WWC2: variants seen among roughly 807,000 people sequenced by gnomAD.
The protein encoded by WWC2 is protein WWC2.
A neutral mutation model predicts 138.5 loss-of-function variants in WWC2; 101 were observed. The ratio of observed to expected loss-of-function variants is 0.73; its 90% CI spans 0.62 to 0.86. WWC2 has a LOEUF of 0.86. Ranked by LOEUF, WWC2 falls within the 40% of genes least tolerant of loss-of-function variation. The probability of loss-of-function intolerance (pLI) is 0.00; values close to 1 mark genes in which losing one functional copy is unlikely to be tolerated. For synonymous variants in WWC2, 558 were observed against 538.4 expected (o/e 1.04, Z -0.50); for missense variants, 1,420 against 1,419.4 (o/e 1.00, Z -0.01).
At chr4:183,105,978 G>A (rs1743343297) in intron 1 of WWC2, among the ~76,000 whole-genome samples, 1 of 151,946 alleles carries the variant, frequency 6.6e-6, no homozygotes, top group Non-Finnish European at 1.5e-5. Context: ...TGTAGAAGAG[G>A]AAAGGGATTT....
chr4:183,280,727 A>AT (rs1683532528), intron 16 of WWC2, 49 bp from the exon 17 acceptor site: 2 of 1,546,826 alleles, frequency 1.3e-6, no homozygotes, highest in South Asian at 1.2e-5. Flanking sequence ...TTTTTAAGTC[A>AT]TTTTTTCAAG....
chr4:183,313,511 A>G (rs1282120504), intron 22 of WWC2, among the ~76,000 whole-genome samples: 2 of 152,062 alleles, frequency 1.3e-5, no homozygotes, highest in South Asian at 2.1e-4. Context: ...GACCTCTGCC[A>G]TGGCACACCA....
chr4:183,224,687 A>G (rs1437925047), intron 4 of WWC2, among the ~76,000 whole-genome samples: 4 of 152,124 alleles, frequency 2.6e-5, no homozygotes, highest in Non-Finnish European at 5.9e-5. Context: ...TAGCCTCCCG[A>G]GTAGCTGAGA....
chr4:183,265,170 T>C lies in WWC2; in HGVS notation c.2039+63T>C, dbSNP rs1012570861. ...TCTCCATCGCCGTGGATGTGGGTTATATGCTGTAAATGGACTGCTACCATT... is the reference window on the plus strand; with the variant it reads ...TCTCCATCGCCGTGGATGTGGGTTACATGCTGTAAATGGACTGCTACCATT... On this transcript the variant is annotated intron_variant, in intron 12 of 22. Coordinates refer to ENST00000403733, the MANE Select transcript of WWC2 (RefSeq NM_024949.6). 7 of 1,546,820 alleles carry C rather than the reference T, an allele frequency of 4.5e-6. No homozygotes were observed. The African/African-American group carries it at 5.5e-5, about 12-fold the overall frequency.
Position 183,195,139 on chromosome 4 carries a change from T to A in WWC2, c.241+1431T>A, listed in dbSNP as rs371241071. On this transcript the variant is annotated intron_variant, in intron 2 of 22. Transcript: ENST00000403733. ...ATCTGTAAGGGTGAAATGAACTAAT[T>A]TTGATAAAATTCAGTTCACTTTAAG... Among the ~76,000 whole-genome samples, 208 of 152,308 alleles carry A rather than the reference T, an allele frequency of 1.4e-3. 1 individual carries two copies. The highest frequency in any genetic ancestry group is 4.9e-3 in the African/African-American group (202 of 41,572).
chr4:183,220,778 G>A (rs1018747705), intron 4 of WWC2, among the ~76,000 whole-genome samples: 1 of 151,352 alleles, frequency 6.6e-6, no homozygotes, highest in Non-Finnish European at 1.5e-5. Context: ...AGCTTGCAGT[G>A]AGCCAACATC....
intron 1 of WWC2, among the ~76,000 whole-genome samples, chr4:183,149,209 G>T (rs1396165979): frequency 6.6e-6 from 1 of 152,088 alleles, no homozygotes; most frequent in Non-Finnish European, 1.5e-5. Flanking sequence ...GCCTTTTACA[G>T]TCCCCTTCTC....
At chr4:183,226,966 G>A (rs2111277807) in intron 4 of WWC2, among the ~76,000 whole-genome samples, 1 of 152,138 alleles carries the variant, frequency 6.6e-6, no homozygotes, top group Non-Finnish European at 1.5e-5. Flanking sequence ...TGATAAGCTA[G>A]GTGCATATTC....
At chr4:183,116,725 G>T (rs1443661797) in intron 1 of WWC2, among the ~76,000 whole-genome samples, 1 of 152,162 alleles carries the variant, frequency 6.6e-6, no homozygotes, top group Non-Finnish European at 1.5e-5. Flanking sequence ...TTTAGCATCT[G>T]TATTAAAACT....
intron 1 of WWC2, among the ~76,000 whole-genome samples, chr4:183,180,543 T>C (rs990235118): frequency 4.6e-5 from 7 of 152,126 alleles, no homozygotes; most frequent in Non-Finnish European, 4.4e-5. Context: ...CAAACATTTA[T>C]AGCAACATCA....
intron 21 of WWC2, among the ~76,000 whole-genome samples, chr4:183,304,430 G>A (rs181911895): frequency 2.0e-5 from 3 of 152,274 alleles, no homozygotes; most frequent in Non-Finnish European, 1.5e-5. Flanking sequence ...GGGTCCTCAC[G>A]ATGGATGTCG....
At chr4:183,112,121 A>G (rs141952258) in intron 1 of WWC2, among the ~76,000 whole-genome samples, 1 of 152,356 alleles carries the variant, frequency 6.6e-6, no homozygotes, top group Non-Finnish European at 1.5e-5. Context: ...AATGTTTAAC[A>G]TAACATCAGT....
intron 9 of WWC2, among the ~76,000 whole-genome samples, chr4:183,254,892 C>CT (rs1737090056): frequency 6.6e-6 from 1 of 152,204 alleles, no homozygotes; most frequent in Non-Finnish European, 1.5e-5. Flanking sequence ...ATTGTGGCGT[C>CT]TTGCCTTCTA....
At chr4:183,100,355 T>C (rs1237890868) in intron 1 of WWC2, among the ~76,000 whole-genome samples, 4 of 152,256 alleles carry the variant, frequency 2.6e-5, no homozygotes, top group Non-Finnish European at 4.4e-5. Flanking sequence ...CTGGTTTCTT[T>C]GTTTTTTGTT....
chr4:183,269,637 G>A lies in WWC2; in HGVS notation c.2400+474G>A, dbSNP rs181027094. 715 of 371,578 alleles carry A rather than the reference G, an allele frequency of 1.9e-3. 1 individual carries two copies. Among genetic ancestry groups the A allele is most frequent in the Middle Eastern group, 9.2e-3 (24 of 2,616 alleles). The allele number at this position is 371,578 out of a possible 1,614,324, so 23.0% of individuals were successfully genotyped here. ...TTCAACGGTCATACAACTAGTAAGCGATGAAGCCAGATATCAAAAAGATAT... is the reference window on the plus strand; with the variant it reads ...TTCAACGGTCATACAACTAGTAAGCAATGAAGCCAGATATCAAAAAGATAT... On this transcript the variant is annotated intron_variant, in intron 15 of 22. Transcript: ENST00000403733.
At chr4:183,217,093 A>T (rs1011392213) in intron 4 of WWC2, among the ~76,000 whole-genome samples, 3 of 152,242 alleles carry the variant, frequency 2.0e-5, no homozygotes. Context: ...TTGAAAGCAA[A>T]CATTGAAAGG....
At position 183,231,332 on chromosome 4, in the gene WWC2, C is replaced by T. The variant is rs570143825; in HGVS notation, c.523-8851C>T. Among the ~76,000 whole-genome samples, 17 of 137,674 alleles carry T rather than the reference C, an allele frequency of 1.2e-4. 1 individual carries two copies. The South Asian group carries it at 2.7e-3, about 22-fold the overall frequency. 90.3% of individuals were successfully genotyped at this position (137,674 alleles called of 152,430 possible). A position where few individuals can be genotyped will look rare whatever the true frequency, so the allele number is the denominator to read the frequency against. ...TCACCCAGGCTGGAATGCAGTGGCG[C>T]GATCTCAGCTCATCACAACCTCCGC... On this transcript the variant is annotated intron_variant, in intron 4 of 22. Transcript: ENST00000403733.
At chr4:183,244,616 A>C (rs1736717353) in intron 5 of WWC2, among the ~76,000 whole-genome samples, 1 of 152,040 alleles carries the variant, frequency 6.6e-6, no homozygotes, top group Admixed American at 6.5e-5. Context: ...AACTAACCAC[A>C]CAATCCAAAC....
At chr4:183,157,895 C>G (rs1308677723) in intron 1 of WWC2, among the ~76,000 whole-genome samples, 2 of 151,452 alleles carry the variant, frequency 1.3e-5, no homozygotes, top group African/African-American at 2.4e-5. Flanking sequence ...GTCTCCTTTT[C>G]TAACTACTTT....
Sources: allele counts gnomAD v4.1 joint callset (sites outside exome capture counted in the v4.1 genomes callset), GRCh38; gene constraint gnomAD v4.1.1; transcripts MANE v1.5; gene names NCBI Gene and HGNC (gene_info 2026-07-23, HGNC 2026-07-21).